Variants in CDH13 observed in about 807,000 individuals in gnomAD.
CDH13 encodes cadherin 13.
Under a neutral mutation model 63.8 loss-of-function variants are expected in CDH13, and 24 were observed. The ratio of observed to expected loss-of-function variants is 0.38; its 90% CI spans 0.27 to 0.53. The LOEUF is 0.53. Among genes scored for constraint, CDH13 ranks in the 20% least tolerant of loss-of-function variants. The probability of loss-of-function intolerance (pLI) is 0.85; values close to 1 mark genes in which losing one functional copy is unlikely to be tolerated. For synonymous variants in CDH13, 503 were observed against 355.3 expected (o/e 1.42, Z -4.67); for missense variants, 1,049 against 903.1 (o/e 1.16, Z -2.07).
rs115777314 is a variant in CDH13 at position 83,748,027 on chromosome 16, G to C, written c.1539-81G>C. 886 of 1,470,784 alleles carry C rather than the reference G, an allele frequency of 6.0e-4. 4 individuals are homozygous for C. The African/African-American group carries it at 0.011, about 18-fold the overall frequency. The allele number at this position is 1,470,784 out of a possible 1,614,324, so 91.1% of individuals were successfully genotyped here. On this transcript the variant is annotated intron_variant, in intron 10 of 13. Transcript: ENST00000567109. ...TACCTAGGATCCAGCACCTAGCCTA[G>C]GAGCTCATGCCCTGCACTCTGTAAA...
At chr16:83,067,010 C>T (rs1208294264) in intron 3 of CDH13, among the ~76,000 whole-genome samples, 2 of 152,156 alleles carry the variant, frequency 1.3e-5, no homozygotes, top group South Asian at 4.1e-4. Flanking sequence ...TGCAAAGTTG[C>T]CTCCAGGAGG....
At chr16:83,056,710 A>G (rs1303039049) in intron 3 of CDH13, among the ~76,000 whole-genome samples, 2 of 152,142 alleles carry the variant, frequency 1.3e-5, no homozygotes, top group East Asian at 1.9e-4. Context: ...CAGCTCCCAT[A>G]ATCCCCACAT....
chr16:83,606,124 A>T (rs1908306809), intron 8 of CDH13, among the ~76,000 whole-genome samples: 1 of 152,208 alleles, frequency 6.6e-6, no homozygotes, highest in Non-Finnish European at 1.5e-5. Context: ...TTTAGAGATG[A>T]AAATCAAGGT....
At chr16:82,734,617 G>T (rs2033575834) in intron 1 of CDH13, among the ~76,000 whole-genome samples, 1 of 152,176 alleles carries the variant, frequency 6.6e-6, no homozygotes, top group South Asian at 2.1e-4. Context: ...TTAGCATTCA[G>T]GGCCAACACC....
At chr16:83,074,028 G>T (rs115586799) in intron 3 of CDH13, among the ~76,000 whole-genome samples, 1 of 152,042 alleles carries the variant, frequency 6.6e-6, no homozygotes, top group Non-Finnish European at 1.5e-5. Flanking sequence ...ATTTTGAGAT[G>T]TACAATACAT....
chr16:82,817,684 A>G (rs952093795), intron 1 of CDH13, among the ~76,000 whole-genome samples: 2 of 152,094 alleles, frequency 1.3e-5, no homozygotes, highest in African/African-American at 4.8e-5. Flanking sequence ...GCACACCTGT[A>G]GTCCCAGCTA....
chr16:83,259,029 C>G (rs967667607), intron 5 of CDH13, among the ~76,000 whole-genome samples: 32 of 152,152 alleles, frequency 2.1e-4, no homozygotes, highest in Non-Finnish European at 4.6e-4. Context: ...CATTGCCAGC[C>G]TTGTACTTAA....
chr16:83,598,413 C>G (rs2325958), intron 7 of CDH13, among the ~76,000 whole-genome samples: 71,416 of 151,936 alleles, frequency 0.47, 18,008 homozygotes, highest in African/African-American at 0.65. Flanking sequence ...CTTTCCCTGG[C>G]TACAAAAAAT....
At chr16:83,789,282 C>T (rs2151018400) in intron 13 of CDH13, among the ~76,000 whole-genome samples, 1 of 150,484 alleles carries the variant, frequency 6.6e-6, no homozygotes, top group East Asian at 2.0e-4. Flanking sequence ...AACCCTTAAG[C>T]AAGGATTGGA....
intron 3 of CDH13, among the ~76,000 whole-genome samples, chr16:83,097,480 A>G (rs772662296): frequency 6.6e-6 from 1 of 152,178 alleles, no homozygotes; most frequent in African/African-American, 2.4e-5. Context: ...AAAATAATGA[A>G]CCATGCATAA....
intron 2 of CDH13, among the ~76,000 whole-genome samples, chr16:82,994,671 A>C (rs1247336299): frequency 6.6e-6 from 1 of 152,226 alleles, no homozygotes; most frequent in Non-Finnish European, 1.5e-5. Context: ...AAAACGTATT[A>C]GTCTTTGACA....
At chr16:82,692,297 C>T (rs28555103) in intron 1 of CDH13, among the ~76,000 whole-genome samples, 22,299 of 152,144 alleles carry the variant, frequency 0.15, 1,757 homozygotes, top group Middle Eastern at 0.25. Context: ...TCTGTTCTCA[C>T]CCTGCTTAGT....
At chr16:83,137,994 TG>T (rs2036371396) in intron 4 of CDH13, among the ~76,000 whole-genome samples, 1 of 152,092 alleles carries the variant, frequency 6.6e-6, no homozygotes, top group African/African-American at 2.4e-5. Flanking sequence ...TCTGGGTGGC[TG>T]GGAACAGTCC....
At chr16:83,316,456 G>A (rs1212015587) in intron 5 of CDH13, among the ~76,000 whole-genome samples, 1 of 152,232 alleles carries the variant, frequency 6.6e-6, no homozygotes, top group Non-Finnish European at 1.5e-5. Flanking sequence ...GACAGTCAGT[G>A]CTACCGCTAG....
intron 1 of CDH13, among the ~76,000 whole-genome samples, chr16:82,776,560 CT>C (rs1259813695): frequency 6.6e-6 from 1 of 152,202 alleles, no homozygotes; most frequent in Non-Finnish European, 1.5e-5. Flanking sequence ...TATGAACCTT[CT>C]TTTCAAATAA....
At chr16:83,701,253 T>C (rs1206139868) in intron 10 of CDH13, among the ~76,000 whole-genome samples, 2 of 152,168 alleles carry the variant, frequency 1.3e-5, no homozygotes, top group Non-Finnish European at 2.9e-5. Context: ...AGTGTCAGGA[T>C]GTTTAGGAAC....
chr16:83,244,648 G>C (rs1458811780), intron 5 of CDH13, among the ~76,000 whole-genome samples: 1 of 152,128 alleles, frequency 6.6e-6, no homozygotes, highest in Non-Finnish European at 1.5e-5. Context: ...TCTACATCTA[G>C]TTGCATTTGT....
chr16:83,675,510 G>T (rs1433122593), intron 9 of CDH13, among the ~76,000 whole-genome samples: 25 of 152,306 alleles, frequency 1.6e-4, no homozygotes, highest in Admixed American at 1.5e-3. Flanking sequence ...TGGGGCCGGG[G>T]AAATGACTCT....
intron 8 of CDH13, among the ~76,000 whole-genome samples, chr16:83,626,786 CTACTT>C (rs1165322798): frequency 2.0e-5 from 3 of 152,126 alleles, no homozygotes; most frequent in Non-Finnish European, 4.4e-5. Flanking sequence ...TGCCGAGTCT[CTACTT>C]TTACTGAATT....
Sources: gnomAD v4.1 joint callset for allele counts (sites outside exome capture counted in the v4.1 genomes callset) on GRCh38, gnomAD v4.1.1 for gene constraint, MANE v1.5 for transcripts, NCBI Gene and HGNC (gene_info 2026-07-23, HGNC 2026-07-21) for gene names.